The following BNIP3 variants were observed in gnomAD, a reference collection of about 807,000 sequenced individuals.
BNIP3 encodes BCL2 interacting protein 3.
BNIP3 carries 16 observed loss-of-function variants against 23.9 expected under a neutral mutation model. The ratio of observed to expected loss-of-function variants is 0.67; its 90% CI spans 0.45 to 1.01. BNIP3 has a LOEUF of 1.01. Ranked by LOEUF, BNIP3 falls within the 50% of genes least tolerant of loss-of-function variation. The pLI, the probability that BNIP3 is intolerant of heterozygous loss-of-function variation, is 0.00. For missense variants in BNIP3, 198 were observed against 248.7 expected (o/e 0.80, Z 1.37); for synonymous variants, 81 against 89.3 (o/e 0.91, Z 0.53).
rs550167441 is a variant in BNIP3, at chr10:131,971,024, A to G, written c.283-54T>C. 3.6e-5 allele frequency: 55 copies of G among 1,529,258 alleles called. No individual in the cohort carries two copies. In the African/African-American group the frequency reaches 6.1e-4, roughly 17 times the overall value. The allele number at this position is 1,529,258 out of a possible 1,614,324, so 94.7% of individuals were successfully genotyped here. ...TCAGTGTACCACACGTGACACGGGA[A>G]AGCACCCAGCTCCCACCCGAGCTTC... On this transcript the variant is annotated intron_variant, in intron 3 of 5. Coordinates refer to ENST00000368636, the MANE Select transcript of BNIP3 (RefSeq NM_004052.4).
chr10:131,968,661 CT>C, intron 5 of BNIP3, 92 bp from the exon 6 acceptor site: 1 of 1,145,152 alleles, frequency 8.7e-7, no homozygotes, highest in African/African-American at 1.5e-5. Context: ...GTGGTTAGAG[CT>C]TATGCAAGGG....
At chr10:131,978,197 A>G (rs1329941076) in intron 1 of BNIP3, among the ~76,000 whole-genome samples, 3 of 151,936 alleles carry the variant, frequency 2.0e-5, no homozygotes, top group South Asian at 2.1e-4. Context: ...TATAATTTAC[A>G]TTGCTAACAA....
chr10:131,972,642 G>A (rs1435747836), intron 3 of BNIP3, among the ~76,000 whole-genome samples: 1 of 152,166 alleles, frequency 6.6e-6, no homozygotes, highest in Non-Finnish European at 1.5e-5. Context: ...CCCACTCACT[G>A]TCCAACCAGC....
At chr10:131,972,734 C>A (rs981307690) in intron 3 of BNIP3, among the ~76,000 whole-genome samples, 7 of 152,204 alleles carry the variant, frequency 4.6e-5, no homozygotes, top group African/African-American at 1.7e-4. Flanking sequence ...GCTGCAGCCA[C>A]CAGGGAGCCC....
rs920826771 is a variant in BNIP3 at position 131,973,583 on chromosome 10, C to T, written c.197+210G>A. On this transcript the variant is annotated intron_variant, in intron 2 of 5. Transcript: ENST00000368636. ...CTGCCTACTGATGACTTGAACATGG[C>T]TCCCCACAGACTAAGTCCCAGGTCA... 1.4e-5 allele frequency: 9 copies of T among 623,650 alleles called. No homozygotes were observed. In the Admixed American group the frequency reaches 2.7e-4, roughly 19 times the overall value. The allele number at this position is 623,650 out of a possible 1,614,324, so 38.6% of individuals were successfully genotyped here. A position where few individuals can be genotyped will look rare whatever the true frequency, so the allele number is the denominator to read the frequency against.
Position 131,971,684 on chromosome 10 carries a change from A to G in BNIP3, c.283-714T>C, listed in dbSNP as rs147923345. 5.1e-4 allele frequency among the ~76,000 whole-genome samples: 77 copies of G among 152,344 alleles called. 2 individuals are homozygous for G. The highest frequency in any genetic ancestry group is 1.7e-3 in the African/African-American group (69 of 41,588). On this transcript the variant is annotated intron_variant, in intron 3 of 5. Transcript: ENST00000368636. ...AAAAGAAATAAAATTGAAAATACTCAAGAATATAGCTCCCCAAACCCACCA... is the reference window on the plus strand; with the variant it reads ...AAAAGAAATAAAATTGAAAATACTCGAGAATATAGCTCCCCAAACCCACCA...
intron 1 of BNIP3, among the ~76,000 whole-genome samples, chr10:131,979,438 C>T (rs886514508): frequency 3.3e-5 from 5 of 152,134 alleles, no homozygotes; most frequent in African/African-American, 1.2e-4. Flanking sequence ...TTAAACACGG[C>T]CCTCCAGAGT....
intron 1 of BNIP3, 87 bp from the exon 2 acceptor site, chr10:131,974,030 T>G: frequency 4.5e-6 from 7 of 1,546,492 alleles, no homozygotes; most frequent in Non-Finnish European, 6.2e-6. Flanking sequence ...TGCCCTTCCA[T>G]TTCCAAGAGG....
chr10:131,968,388 A>T lies in BNIP3; in HGVS notation c.*136T>A. The T allele has an allele frequency of 1.4e-6, 1 of 718,724 alleles. No individual in the cohort carries two copies. The highest frequency in any genetic ancestry group is 2.3e-6 in the Non-Finnish European group (1 of 430,328). 44.5% of individuals were successfully genotyped at this position (718,724 alleles called of 1,614,324 possible). A position where few individuals can be genotyped will look rare whatever the true frequency, so the allele number is the denominator to read the frequency against. On this transcript the variant is annotated 3_prime_UTR_variant, in exon 6 of 6. Transcript: ENST00000368636. ...TAGTGTCTATTCTTTTATTTTACTAAATTAGGAACGCAGCATTTACAGAAC... is the reference window on the plus strand; with the variant it reads ...TAGTGTCTATTCTTTTATTTTACTATATTAGGAACGCAGCATTTACAGAAC...
Position 131,970,882 on chromosome 10 carries a change from G to C in BNIP3, c.371C>G (p.Pro124Arg). ...SDWIWDWSSR[P>R]ENIPPKEFLF... The stretch of plus-strand genomic sequence containing the variant: ...CACTCACTTGGGGGGAATATTTTCC[G>C]GCCGACTTGACCAATCCCATATCCA... Residue 124 changes from proline to arginine, a missense_variant, in exon 4 of 6, where the codon CCG becomes CGG. Physicochemically the swap from Pro to Arg is moderately radical, Grantham distance 103 (BLOSUM62 -2). Coordinates refer to ENST00000368636, the MANE Select transcript of BNIP3 (RefSeq NM_004052.4). This position sits in a 1 kb window ranked among gnomAD's most constrained non-coding sequence, Gnocchi z 4.1. 6.2e-7 allele frequency: 1 copy of C among 1,614,164 alleles called. No homozygotes were observed. The highest frequency in any genetic ancestry group is 2.2e-5 in the East Asian group (1 of 44,876).
intron 1 of BNIP3, among the ~76,000 whole-genome samples, chr10:131,975,883 A>G (rs572232926): frequency 1.8e-4 from 28 of 152,344 alleles, no homozygotes; most frequent in African/African-American, 6.0e-4. Context: ...AAGGCAAGCC[A>G]GGGTCTGTCT....
chr10:131,978,731 C>T (rs1371132059), intron 1 of BNIP3, among the ~76,000 whole-genome samples: 1 of 152,154 alleles, frequency 6.6e-6, no homozygotes, highest in Non-Finnish European at 1.5e-5. Context: ...GGGTGGAATC[C>T]AGGCAAATAG....
chr10:131,980,350 T>C (rs1005079322), intron 1 of BNIP3: 6 of 152,222 alleles, frequency 3.9e-5, no homozygotes, highest in Middle Eastern at 3.2e-3. Context: ...CTTTATTTTA[T>C]GACAAAAGAT....
In BNIP3 at chr10:131,968,540, G is replaced by A; in HGVS notation, c.569C>T (p.Ser190Phe). The A allele has an allele frequency of 6.2e-7, 1 of 1,601,888 alleles. No homozygotes were observed. The highest frequency in any genetic ancestry group is 1.7e-4 in the Middle Eastern group (1 of 6,042). Residue 190 changes from serine (S) to phenylalanine (F), a missense_variant, in exon 6 of 6, where the codon TCC becomes TTC. Transcript: ENST00000368636. ...AGTTCTTCATCAAAAGGTGCTGGTG[G>A]AGGTTGTCAGACGCCTTCCAATATA... ...GIYIGRRLTT[S>F]TSTF is the part of the protein sequence containing the mutation.
chr10:131,978,059 A>G lies in BNIP3; in HGVS notation c.46+3702T>C, dbSNP rs544657974. On this transcript the variant is annotated intron_variant, in intron 1 of 5. Coordinates refer to ENST00000368636, the MANE Select transcript of BNIP3 (RefSeq NM_004052.4). Reference sequence around the variant, plus strand: ...ACTTGCTCATAATCACAAGCAGTTTACACTTCAAATCACTGTAGTATAATT... The same window carrying G: ...ACTTGCTCATAATCACAAGCAGTTTGCACTTCAAATCACTGTAGTATAATT... Among the ~76,000 whole-genome samples the G allele has an allele frequency of 3.3e-5, 5 of 152,304 alleles. No homozygotes were observed. In the South Asian group the frequency reaches 1.0e-3, roughly 32 times the overall value.
At chr10:131,974,016 A>G in intron 1 of BNIP3, 73 bp from the exon 2 acceptor site, 1 of 1,578,594 alleles carries the variant, frequency 6.3e-7, no homozygotes, top group South Asian at 1.1e-5. Flanking sequence ...ATATCTAACC[A>G]GCCTGCCCTT....
chr10:131,979,603 T>A (rs2037103748), intron 1 of BNIP3, among the ~76,000 whole-genome samples: 1 of 152,110 alleles, frequency 6.6e-6, no homozygotes, highest in South Asian at 2.1e-4. Flanking sequence ...AAGGGCCAAG[T>A]TCATGGCTAC....
chr10:131,979,052 C>G (rs1417339940), intron 1 of BNIP3, among the ~76,000 whole-genome samples: 1 of 151,680 alleles, frequency 6.6e-6, no homozygotes, highest in Non-Finnish European at 1.5e-5. Flanking sequence ...CCTCCAGGAC[C>G]TCTGGCCTCC....
chr10:131,972,203 G>A (rs543258373), intron 3 of BNIP3, among the ~76,000 whole-genome samples: 2 of 152,176 alleles, frequency 1.3e-5, no homozygotes, highest in East Asian at 1.9e-4. Context: ...GACTCACTCC[G>A]CTTTCACAAC....
Sources: gnomAD v4.1 joint callset for allele counts (sites outside exome capture counted in the v4.1 genomes callset) on GRCh38, gnomAD v4.1.1 for gene constraint, Gnocchi (gnomAD v3.1) non-coding constraint, MANE v1.5 for transcripts, NCBI Gene and HGNC (gene_info 2026-07-23, HGNC 2026-07-21) for gene names.